The following ELP6 variants were observed in gnomAD, a reference collection of about 807,000 sequenced individuals.
ELP6 encodes elongator acetyltransferase complex subunit 6, also known as elongator complex protein 6.
ELP6 carries 23 observed loss-of-function variants against 28.1 expected under a neutral mutation model. The observed-to-expected ratio is 0.82, with a 90% CI of 0.59 to 1.16. ELP6 has a LOEUF of 1.16. Ranked by LOEUF, ELP6 falls within the 50% of genes most tolerant of loss-of-function variation. The pLI is 0.00. For missense variants in ELP6, 313 were observed against 334.6 expected (o/e 0.94, Z 0.50); for synonymous variants, 132 against 135.8 (o/e 0.97, Z 0.19).
At chr3:47,497,886 G>A (rs970642736) in intron 6 of ELP6, 5 of 905,648 alleles carry the variant, frequency 5.5e-6, no homozygotes, top group African/African-American at 1.8e-5. Flanking sequence ...AGCCAAGATC[G>A]CGCCACTGCA....
In ELP6 at chr3:47,502,336, G is replaced by C. The variant is rs564442999; in HGVS notation, c.324-485C>G. ...GAGGCAGGAGAATTGCTTGAACCTG[G>C]GAGACGGAAGTTGCAGTGAGCCACG... On this transcript the variant is annotated intron_variant, in intron 4 of 6. Coordinates refer to ENST00000296149, the MANE Select transcript of ELP6 (RefSeq NM_001031703.3). The C allele has an allele frequency of 4.7e-6, 4 of 854,406 alleles. No individual in the cohort carries two copies. In the East Asian group the frequency reaches 5.0e-4, roughly 106 times the overall value. The allele number at this position is 854,406 out of a possible 1,614,324, so 52.9% of individuals were successfully genotyped here.
At chr3:47,506,606 C>A (rs542639912) in intron 3 of ELP6, among the ~76,000 whole-genome samples, 4 of 152,196 alleles carry the variant, frequency 2.6e-5, no homozygotes, top group Non-Finnish European at 1.5e-5. Context: ...CTGTTCCGCC[C>A]GGCTCACCAG....
chr3:47,500,737 G>A (rs948063596), intron 5 of ELP6, among the ~76,000 whole-genome samples: 1 of 152,126 alleles, frequency 6.6e-6, no homozygotes, highest in Non-Finnish European at 1.5e-5. Flanking sequence ...CTCTGCAACT[G>A]TAGCCAGGAC....
Position 47,513,700 on chromosome 3 carries a change from C to T in ELP6, c.-110G>A, listed in dbSNP as rs979192298. 7 of 1,399,376 alleles carry T rather than the reference C, an allele frequency of 5.0e-6. No homozygotes were observed. Among genetic ancestry groups the T allele is most frequent in the African/African-American group, 1.4e-5 (1 of 69,184 alleles). 86.7% of individuals were successfully genotyped at this position (1,399,376 alleles called of 1,614,324 possible). A position where few individuals can be genotyped will look rare whatever the true frequency, so the allele number is the denominator to read the frequency against. ...AGCCCGGCTCGCGCAAGGAAGCGCG[C>T]ATGCGCAATGCCACTTTTGCGAGCC... On this transcript the variant is annotated 5_prime_UTR_variant, in exon 1 of 7. The change abolishes an upstream ATG in the 5' untranslated region. Transcript: ENST00000296149.
In ELP6 at chr3:47,497,295, G is replaced by A. The variant is rs1473456440; in HGVS notation, c.672+991C>T. On this transcript the variant is annotated intron_variant, in intron 6 of 6. Coordinates refer to ENST00000296149, the MANE Select transcript of ELP6 (RefSeq NM_001031703.3). ...TGTTCTGGTGAGTGGCAGCAGTTGG[G>A]GCAGCAACCCTGGTCCACGGGTACG... The A allele has an allele frequency of 8.1e-6, 8 of 985,142 alleles. No homozygotes were observed. In the Admixed American group the frequency reaches 1.8e-4, roughly 23 times the overall value. The allele number at this position is 985,142 out of a possible 1,614,324, so 61.0% of individuals were successfully genotyped here.
chr3:47,511,759 G>C (rs1709023503), intron 1 of ELP6: 1 of 986,916 alleles, frequency 1.0e-6, no homozygotes, highest in Admixed American at 5.4e-5. Context: ...TCAGAGGCCT[G>C]ATCATGGAGA....
At chr3:47,507,965 T>A (rs78889957) in intron 3 of ELP6, among the ~76,000 whole-genome samples, 54,394 of 151,890 alleles carry the variant, frequency 0.36, 10,066 homozygotes, top group Middle Eastern at 0.48. Flanking sequence ...AGTTTAGATA[T>A]GCGAACACAC....
In ELP6 at chr3:47,513,182, G is replaced by A. The variant is rs377213807; in HGVS notation, c.54+355C>T. 53 of 989,212 alleles carry A rather than the reference G, an allele frequency of 5.4e-5. 1 individual carries two copies. In the African/African-American group the frequency reaches 8.6e-4, roughly 16 times the overall value. The allele number at this position is 989,212 out of a possible 1,614,324, so 61.3% of individuals were successfully genotyped here. On this transcript the variant is annotated intron_variant, in intron 1 of 6. Coordinates refer to ENST00000296149, the MANE Select transcript of ELP6 (RefSeq NM_001031703.3). ...ATTTTTGTATTTTTCGTAGAGACGGGGGTTTCACCATCTTGGCCAGACTTG... is the reference window on the plus strand; with the variant it reads ...ATTTTTGTATTTTTCGTAGAGACGGAGGTTTCACCATCTTGGCCAGACTTG...
At chr3:47,512,109 G>C (rs1709032492) in intron 1 of ELP6, 1 of 980,006 alleles carries the variant, frequency 1.0e-6, no homozygotes, top group South Asian at 4.7e-5. Flanking sequence ...GACAAGAACT[G>C]CCTGGCAACT....
intron 3 of ELP6, among the ~76,000 whole-genome samples, chr3:47,508,821 G>C (rs1708925471): frequency 6.8e-6 from 1 of 146,120 alleles, no homozygotes; most frequent in Non-Finnish European, 1.5e-5. Flanking sequence ...CTGGAGTGCA[G>C]TGGCGTGATC....
intron 5 of ELP6, among the ~76,000 whole-genome samples, chr3:47,499,190 A>C (rs1270771181): frequency 6.6e-6 from 1 of 152,208 alleles, no homozygotes. Context: ...CAGCCCAGGC[A>C]ACATAGTGAG....
chr3:47,506,570 G>C (rs1384975502), intron 3 of ELP6, among the ~76,000 whole-genome samples: 1 of 152,192 alleles, frequency 6.6e-6, no homozygotes, highest in Admixed American at 6.5e-5. Flanking sequence ...TCTCCCATTT[G>C]CTTTTGAAAG....
chr3:47,501,314 A>C (rs1415521657), intron 5 of ELP6, among the ~76,000 whole-genome samples: 1 of 152,136 alleles, frequency 6.6e-6, no homozygotes, highest in Non-Finnish European at 1.5e-5. Context: ...AGTAGTTCAT[A>C]CTCATTATTT....
intron 1 of ELP6, chr3:47,511,875 T>C (rs754732321): frequency 4.1e-5 from 40 of 985,460 alleles, no homozygotes; most frequent in Non-Finnish European, 4.6e-5. Flanking sequence ...AGTGATATCA[T>C]GCATGCCACC....
At chr3:47,508,803 C>T (rs1708924840) in intron 3 of ELP6, among the ~76,000 whole-genome samples, 2 of 131,312 alleles carry the variant, frequency 1.5e-5, no homozygotes, top group Admixed American at 1.8e-4. Context: ...CTTGCTCTGT[C>T]TCCCAGGCTG....
In ELP6 at chr3:47,499,884, C is replaced by T. The variant is rs970673692; in HGVS notation, c.526-1452G>A. ...CTCCAGGAGAAGCTGCAGTGGGACCCGGAGGCGAAGCATATGGAGGTGGAG... is the reference window on the plus strand; with the variant it reads ...CTCCAGGAGAAGCTGCAGTGGGACCTGGAGGCGAAGCATATGGAGGTGGAG... On this transcript the variant is annotated intron_variant, in intron 5 of 6. Coordinates refer to ENST00000296149, the MANE Select transcript of ELP6 (RefSeq NM_001031703.3). 9 of 1,261,734 alleles carry T rather than the reference C, an allele frequency of 7.1e-6. No homozygotes were observed. The Admixed American group carries it at 1.1e-4, about 16-fold the overall frequency. 78.2% of individuals were successfully genotyped at this position (1,261,734 alleles called of 1,614,324 possible).
At position 47,498,264 on chromosome 3, in the gene ELP6, T is replaced by TG. The variant is rs374866757; in HGVS notation, c.672+21dup. Reference sequence around the variant, plus strand: ...ACAGGTACACGGGCAAGAAGCCTGTTGCCCAGGAGGCCCCTGCATACCTGC... The same window carrying TG: ...ACAGGTACACGGGCAAGAAGCCTGTTGGCCCAGGAGGCCCCTGCATACCTGC... On this transcript the variant is annotated intron_variant, in intron 6 of 6. Coordinates refer to ENST00000296149, the MANE Select transcript of ELP6 (RefSeq NM_001031703.3). The TG allele has an allele frequency of 2.7e-4, 437 of 1,612,208 alleles. No homozygotes were observed. The African/African-American group carries it at 5.3e-3, about 20-fold the overall frequency.
intron 6 of ELP6, among the ~76,000 whole-genome samples, chr3:47,497,698 G>A (rs1708518786): frequency 6.6e-6 from 1 of 151,744 alleles, no homozygotes; most frequent in South Asian, 2.1e-4. Flanking sequence ...GCAAAGGGGG[G>A]TGGGGGTGGA....
chr3:47,504,560 T>C, intron 3 of ELP6, 112 bp from the exon 4 acceptor site: 2 of 1,405,230 alleles, frequency 1.4e-6, no homozygotes, highest in African/African-American at 1.4e-5. Flanking sequence ...GAAGTGTATC[T>C]GATCACCCAA....
Sources: gnomAD v4.1 joint callset for allele counts (sites outside exome capture counted in the v4.1 genomes callset) on GRCh38, gnomAD v4.1.1 for gene constraint, MANE v1.5 for transcripts, NCBI Gene and HGNC (gene_info 2026-07-23, HGNC 2026-07-21) for gene names.